Variants in EYA4 observed in about 807,000 individuals in gnomAD.
The protein encoded by EYA4 is EYA transcriptional coactivator and phosphatase 4, also known as protein phosphatase EYA4.
Under a neutral mutation model 87.9 loss-of-function variants are expected in EYA4, and 31 were observed. The ratio of observed to expected loss-of-function variants is 0.35; its 90% CI spans 0.27 to 0.48. The LOEUF (loss-of-function observed/expected upper bound fraction) is 0.48, where lower values mean the gene tolerates loss of function less well. Among genes scored for constraint, EYA4 ranks in the 20% least tolerant of loss-of-function variants. EYA4 has a pLI of 0.99. For missense variants in EYA4, 678 were observed against 761.4 expected (o/e 0.89, Z 1.29); for synonymous variants, 263 against 270.6 (o/e 0.97, Z 0.28).
At chr6:133,301,132 G>A (rs1466179534) in intron 2 of EYA4, among the ~76,000 whole-genome samples, 8 of 143,400 alleles carry the variant, frequency 5.6e-5, no homozygotes, top group Admixed American at 5.5e-4. Flanking sequence ...TTGTATTTAC[G>A]TTCTGTATGA....
chr6:133,452,372 A>G (rs1397439898), intron 5 of EYA4, among the ~76,000 whole-genome samples: 1 of 152,174 alleles, frequency 6.6e-6, no homozygotes, highest in Non-Finnish European at 1.5e-5. Context: ...AATGTAAATT[A>G]TGTGGGTTAC....
At chr6:133,365,896 G>A (rs946993559) in intron 2 of EYA4, among the ~76,000 whole-genome samples, 33 of 152,272 alleles carry the variant, frequency 2.2e-4, no homozygotes, top group African/African-American at 7.0e-4. Flanking sequence ...AGCTCTGGGA[G>A]TATAGTCTCT....
intron 2 of EYA4, among the ~76,000 whole-genome samples, chr6:133,292,364 G>C (rs1441889133): frequency 6.6e-6 from 1 of 152,172 alleles, no homozygotes; most frequent in Non-Finnish European, 1.5e-5. Context: ...CATAATGCCA[G>C]AGTAATTTTT....
chr6:133,262,162 G>A (rs1350360026), intron 1 of EYA4, among the ~76,000 whole-genome samples: 1 of 152,144 alleles, frequency 6.6e-6, no homozygotes, highest in Non-Finnish European at 1.5e-5. Flanking sequence ...TGATCATAAA[G>A]TCATCAGATG....
intron 1 of EYA4, among the ~76,000 whole-genome samples, chr6:133,258,061 G>C (rs2128239115): frequency 6.6e-6 from 1 of 152,232 alleles, no homozygotes; most frequent in East Asian, 1.9e-4. Context: ...AAGACATTAA[G>C]AAAACCAAGC....
Position 133,315,328 on chromosome 6 carries a change from T to C in EYA4, c.33+40515T>C, listed in dbSNP as rs554592479. Among the ~76,000 whole-genome samples the C allele has an allele frequency of 9.2e-5, 14 of 152,332 alleles. 1 individual carries two copies. In the South Asian group the frequency reaches 2.5e-3, roughly 27 times the overall value. On this transcript the variant is annotated intron_variant, in intron 2 of 19. Coordinates refer to ENST00000355286, the MANE Select transcript of EYA4 (RefSeq NM_004100.5). ...TCAAGTGTTAAAACTCAGTATTTTC[T>C]GGGAAAGTTGAAGATTTTTCTCTCC...
At chr6:133,406,379 C>A (rs534812071) in intron 3 of EYA4, among the ~76,000 whole-genome samples, 1 of 152,256 alleles carries the variant, frequency 6.6e-6, no homozygotes, top group South Asian at 2.1e-4. Flanking sequence ...TCAAACTGCA[C>A]CTTGAGAGGC....
intron 2 of EYA4, among the ~76,000 whole-genome samples, chr6:133,279,424 T>C (rs912427324): frequency 1.3e-5 from 2 of 152,122 alleles, no homozygotes; most frequent in Non-Finnish European, 2.9e-5. Flanking sequence ...TATTGTATGA[T>C]TCATTAATAC....
Position 133,512,727 on chromosome 6 carries a change from G to A in EYA4, c.1288G>A (p.Asp430Asn). The stretch of plus-strand genomic sequence containing the variant: ...TTTCCAATGTTTTTAACAGGAGTGT[G>A]ATCAAGTTCATATAGATGATGTTTC... The part of the protein sequence containing the change: ...HLFFNDLEEC[D>N]QVHIDDVSSD... Residue 430 changes from aspartate to asparagine, a missense_variant, in exon 15 of 20, where the codon GAT becomes AAT. Transcript: ENST00000355286. 4 of 1,611,184 alleles carry A rather than the reference G, an allele frequency of 2.5e-6. No individual in the cohort carries two copies. The highest frequency in any genetic ancestry group is 3.4e-6 in the Non-Finnish European group (4 of 1,177,286).
chr6:133,250,390 C>T (rs1218917929), intron 1 of EYA4, among the ~76,000 whole-genome samples: 1 of 151,970 alleles, frequency 6.6e-6, no homozygotes, highest in Non-Finnish European at 1.5e-5. Flanking sequence ...ACTTGTAATC[C>T]CAGCACTTTG....
At chr6:133,415,218 G>T (rs896323901) in intron 3 of EYA4, among the ~76,000 whole-genome samples, 12 of 152,266 alleles carry the variant, frequency 7.9e-5, no homozygotes, top group African/African-American at 2.9e-4. Context: ...CTCATTACTG[G>T]GTAGGTAAGT....
intron 3 of EYA4, among the ~76,000 whole-genome samples, chr6:133,387,147 A>G (rs1335413489): frequency 6.6e-6 from 1 of 152,244 alleles, no homozygotes; most frequent in African/African-American, 2.4e-5. Context: ...AACAGCTTAA[A>G]AAAATGAAAT....
chr6:133,473,508 T>A (rs1471748663), intron 11 of EYA4, among the ~76,000 whole-genome samples: 1 of 152,072 alleles, frequency 6.6e-6, no homozygotes, highest in East Asian at 1.9e-4. Flanking sequence ...CAAGATATGT[T>A]TATATCATGA....
chr6:133,410,634 A>AGACAG (rs1789138089), intron 3 of EYA4, among the ~76,000 whole-genome samples: 1 of 78,664 alleles, frequency 1.3e-5, no homozygotes, highest in Non-Finnish European at 4.6e-5. Flanking sequence ...CTAAGGTCTT[A>AGACAG]ATTCCTTCTA....
chr6:133,417,101 A>T (rs1054556463), intron 3 of EYA4, among the ~76,000 whole-genome samples: 2 of 152,240 alleles, frequency 1.3e-5, no homozygotes, highest in Admixed American at 6.5e-5. Context: ...TGTCATTTGA[A>T]TGTGAAACTT....
rs767335903 is a variant in EYA4, at chr6:133,446,686, C to A, written c.140C>A (p.Thr47Asn). 1.2e-6 allele frequency: 2 copies of A among 1,613,760 alleles called. No individual in the cohort carries two copies. Residue 47 changes from threonine (T) to asparagine (N), a missense_variant, in exon 4 of 20, where the codon ACT becomes AAT. Thr to Asn is a moderately conservative substitution (Grantham distance 65). Transcript: ENST00000355286. Reference protein sequence around the residue: ...SPHTLVGGGDTPGSSKLEKSN... With the variant: ...SPHTLVGGGDNPGSSKLEKSN... ...CATACTCTTGTTGGAGGTGGTGATA[C>A]TCCAGGTAGCTCCAAACTGGAAAAA... is the stretch of plus-strand genomic sequence containing the variant.
chr6:133,418,479 C>T (rs933124931), intron 3 of EYA4, among the ~76,000 whole-genome samples: 2 of 152,176 alleles, frequency 1.3e-5, no homozygotes, highest in East Asian at 3.8e-4. Context: ...TTATTATTGG[C>T]ATTATTCTGT....
Position 133,410,998 on chromosome 6 carries a change from A to T in EYA4, c.83+28557A>T, listed in dbSNP as rs1583206812. On this transcript the variant is annotated intron_variant, in intron 3 of 19. Coordinates refer to ENST00000355286, the MANE Select transcript of EYA4 (RefSeq NM_004100.5). ...CGCCTGACCCCAGCCTACCCCCACC[A>T]CCCCCTGACTTTCTGCCCTCTCAAG... Among the ~76,000 whole-genome samples the T allele has an allele frequency of 1.2e-4, 3 of 24,970 alleles. No individual in the cohort carries two copies. The Admixed American group carries it at 1.5e-3, about 12-fold the overall frequency. 16.4% of individuals were successfully genotyped at this position (24,970 alleles called of 152,430 possible). A position where few individuals can be genotyped will look rare whatever the true frequency, so the allele number is the denominator to read the frequency against.
intron 16 of EYA4, among the ~76,000 whole-genome samples, chr6:133,513,717 GT>G (rs1426154866): frequency 1.3e-5 from 2 of 151,926 alleles, no homozygotes; most frequent in Non-Finnish European, 2.9e-5. Context: ...ATAAACCTTG[GT>G]GATATCTTAT....
Sources: allele counts gnomAD v4.1 joint callset (sites outside exome capture counted in the v4.1 genomes callset), GRCh38; gene constraint gnomAD v4.1.1; transcripts MANE v1.5; gene names NCBI Gene and HGNC (gene_info 2026-07-23, HGNC 2026-07-21).